NEK10: variants seen among roughly 807,000 people sequenced by gnomAD.
The protein encoded by NEK10 is serine/threonine-protein kinase Nek10.
In NEK10, 122 loss-of-function variants were observed where a neutral mutation model predicts 159.8. That is an observed-to-expected ratio of 0.76 (90% confidence interval 0.66 to 0.89). NEK10 has a LOEUF of 0.89. NEK10 is among the 40% of genes least tolerant of loss of function. The pLI, the probability that NEK10 is intolerant of heterozygous loss-of-function variation, is 0.00. For synonymous variants in NEK10, 466 were observed against 457.1 expected (o/e 1.02, Z -0.25); for missense variants, 1,342 against 1,323.1 (o/e 1.01, Z -0.22).
Position 27,111,120 on chromosome 3 carries a change from A to T in NEK10, c.*152T>A, listed in dbSNP as rs1384221937. 3.3e-6 allele frequency: 2 copies of T among 606,866 alleles called. No individual in the cohort carries two copies. Among genetic ancestry groups the T allele is most frequent in the Non-Finnish European group, 5.7e-6 (2 of 347,904 alleles). 37.6% of individuals were successfully genotyped at this position (606,866 alleles called of 1,614,324 possible). On this transcript the variant is annotated 3_prime_UTR_variant, in exon 36 of 36. Coordinates refer to ENST00000691995, the MANE Select transcript of NEK10 (RefSeq NM_001394966.1). ...CAGCTGTCATATACTCCAGCACAGGACCCCCAGAAAGAAGTCCTGCAGGCC... is the reference window on the plus strand; with the variant it reads ...CAGCTGTCATATACTCCAGCACAGGTCCCCCAGAAAGAAGTCCTGCAGGCC...
At chr3:27,353,380 A>G (rs1345955013) in intron 1 of NEK10, among the ~76,000 whole-genome samples, 1 of 152,142 alleles carries the variant, frequency 6.6e-6, no homozygotes. Context: ...TCAGGCATGA[A>G]AAAGTATGCA....
chr3:27,316,034 T>C (rs1286272935), intron 6 of NEK10, among the ~76,000 whole-genome samples: 1 of 152,194 alleles, frequency 6.6e-6, no homozygotes, highest in East Asian at 1.9e-4. Context: ...AGCAGTTCCG[T>C]AACTCCATGG....
chr3:27,311,070 C>T, intron 8 of NEK10, 54 bp from the exon 9 acceptor site: 2 of 1,103,534 alleles, frequency 1.8e-6, no homozygotes, highest in African/African-American at 1.5e-5. Flanking sequence ...AGGGGGAGTA[C>T]TTCCAGGAGC....
At position 27,123,906 on chromosome 3, in the gene NEK10, G is replaced by A. The variant is rs529841811; in HGVS notation, c.3082-4038C>T. ...TTTTAGAAAAGGCCTGGTGGCTGAC[G>A]TGGAGACAGCAAGGGGCAAGAGTGA... On this transcript the variant is annotated intron_variant, in intron 32 of 35. Coordinates refer to ENST00000691995, the MANE Select transcript of NEK10 (RefSeq NM_001394966.1). Among the ~76,000 whole-genome samples the A allele has an allele frequency of 4.6e-5, 7 of 152,080 alleles. No individual in the cohort carries two copies. The South Asian group carries it at 6.2e-4, about 14-fold the overall frequency.
intron 30 of NEK10, among the ~76,000 whole-genome samples, chr3:27,155,061 C>A (rs1327618043): frequency 6.6e-6 from 1 of 152,156 alleles, no homozygotes; most frequent in Non-Finnish European, 1.5e-5. Flanking sequence ...AAAGACTCCT[C>A]CAGAAAGCTC....
At chr3:27,194,802 T>C (rs1226151274) in intron 25 of NEK10, 1 of 152,238 alleles carries the variant, frequency 6.6e-6, no homozygotes, top group African/African-American at 2.4e-5. Context: ...GAATATTTTA[T>C]GCATAAAAGG....
intron 23 of NEK10, among the ~76,000 whole-genome samples, chr3:27,232,036 A>G (rs1005993888): frequency 6.6e-6 from 1 of 151,988 alleles, no homozygotes; most frequent in Non-Finnish European, 1.5e-5. Flanking sequence ...ATAACAAAAA[A>G]AGAAAACTAC....
intron 26 of NEK10, among the ~76,000 whole-genome samples, chr3:27,178,047 G>A (rs187953708): frequency 1.4e-4 from 21 of 152,146 alleles, no homozygotes; most frequent in Non-Finnish European, 2.5e-4. Context: ...TCAATACGGC[G>A]GCAAGGAGAA....
chr3:27,246,476 G>C (rs904791351), intron 23 of NEK10, among the ~76,000 whole-genome samples: 2 of 151,854 alleles, frequency 1.3e-5, no homozygotes, highest in African/African-American at 4.8e-5. Flanking sequence ...GAGATATTTT[G>C]ACACAGGCAT....
intron 7 of NEK10, 120 bp downstream of exon 7, chr3:27,314,177 C>T: frequency 2.8e-6 from 2 of 714,006 alleles, no homozygotes; most frequent in South Asian, 1.6e-5. Context: ...CTGTCTGTCC[C>T]TCTCTGGGGC....
rs541178284 is a variant in NEK10, at chr3:27,216,247, G to T, written c.2091-13690C>A. The T allele has an allele frequency of 5.8e-5, 12 of 207,904 alleles. No homozygotes were observed. In the East Asian group the frequency reaches 1.3e-3, roughly 22 times the overall value. The allele number at this position is 207,904 out of a possible 1,614,324, so 12.9% of individuals were successfully genotyped here. A position where few individuals can be genotyped will look rare whatever the true frequency, so the allele number is the denominator to read the frequency against. On this transcript the variant is annotated intron_variant, in intron 23 of 35. Coordinates refer to ENST00000691995, the MANE Select transcript of NEK10 (RefSeq NM_001394966.1). ...AAGGGTCCTTAATAGTCAAAGAAAA[G>T]ACAAATAATTCTAGACAGTATCATT...
intron 23 of NEK10, among the ~76,000 whole-genome samples, chr3:27,251,742 TA>T (rs1366966274): frequency 6.6e-6 from 1 of 152,250 alleles, no homozygotes; most frequent in African/African-American, 2.4e-5. Flanking sequence ...AGGGCCACTT[TA>T]TTGGTCACTG....
intron 23 of NEK10, among the ~76,000 whole-genome samples, chr3:27,217,308 T>C (rs531121561): frequency 6.6e-6 from 1 of 152,270 alleles, no homozygotes; most frequent in South Asian, 2.1e-4. Flanking sequence ...CTGGGTAATT[T>C]ATAAAGAAAA....
chr3:27,333,485 G>A (rs371717409), intron 5 of NEK10, among the ~76,000 whole-genome samples: 10 of 151,150 alleles, frequency 6.6e-5, no homozygotes, highest in Admixed American at 2.6e-4. Context: ...GGCAGAAGTC[G>A]CAGTGAGCCC....
At chr3:27,184,545 A>G (rs1948437094) in intron 26 of NEK10, among the ~76,000 whole-genome samples, 1 of 152,222 alleles carries the variant, frequency 6.6e-6, no homozygotes, top group South Asian at 2.1e-4. Context: ...ATTTTACTAC[A>G]TGTAAATTAT....
At chr3:27,291,443 T>G (rs1434806615) in intron 17 of NEK10, 41 bp downstream of exon 17, 2 of 1,603,008 alleles carry the variant, frequency 1.2e-6, no homozygotes, top group East Asian at 4.5e-5. Flanking sequence ...ACATCCTGAC[T>G]ACATAGCAGC....
intron 7 of NEK10, 117 bp downstream of exon 7, chr3:27,314,180 T>C (rs1177931137): frequency 1.4e-6 from 1 of 725,830 alleles, no homozygotes; most frequent in Non-Finnish European, 2.5e-6. Context: ...TCTGTCCCTC[T>C]CTGGGGCAGA....
intron 5 of NEK10, among the ~76,000 whole-genome samples, chr3:27,323,929 G>A (rs1165629379): frequency 6.6e-6 from 1 of 152,132 alleles, no homozygotes; most frequent in Non-Finnish European, 1.5e-5. Context: ...AAATATATAT[G>A]GATGACCAAT....
At chr3:27,171,182 T>C (rs1379502566) in intron 29 of NEK10, among the ~76,000 whole-genome samples, 1 of 152,192 alleles carries the variant, frequency 6.6e-6, no homozygotes, top group Non-Finnish European at 1.5e-5. Context: ...TTTGTTTCAG[T>C]CCCTACTCTA....
Sources: allele counts gnomAD v4.1 joint callset (sites outside exome capture counted in the v4.1 genomes callset), GRCh38; gene constraint gnomAD v4.1.1; transcripts MANE v1.5; gene names NCBI Gene and HGNC (gene_info 2026-07-23, HGNC 2026-07-21).